C14orf180: variants seen among roughly 807,000 people sequenced by gnomAD.
The protein encoded by C14orf180 is nutritionally-regulated adipose and cardiac enriched protein homolog.
Under a neutral mutation model 13.9 loss-of-function variants are expected in C14orf180, and 13 were observed. That is an observed-to-expected ratio of 0.94 (90% confidence interval 0.61 to 1.49). C14orf180 has a LOEUF of 1.49. Among genes scored for constraint, C14orf180 ranks in the 40% most tolerant of loss-of-function variants. The probability of loss-of-function intolerance (pLI) is 0.00; values close to 1 mark genes in which losing one functional copy is unlikely to be tolerated. For synonymous variants in C14orf180, 113 were observed against 106.3 expected (o/e 1.06, Z -0.39); for missense variants, 238 against 232.0 (o/e 1.03, Z -0.17).
In C14orf180 at chr14:104,587,739, C is replaced by T. The variant is rs780407065; in HGVS notation, c.112-10C>T. 1.2e-6 allele frequency: 2 copies of T among 1,611,678 alleles called. No homozygotes were observed. The highest frequency in any genetic ancestry group is 1.7e-5 in the Admixed American group (1 of 59,658). The stretch of plus-strand genomic sequence containing the variant: ...GGGACTCACCAGTCTGCTTCCCGCC[C>T]CCACACCAGGAGGACAACAGGAAGT... On this transcript the variant is annotated splice_polypyrimidine_tract_variant and intron_variant, in intron 2 of 4. Coordinates refer to ENST00000557649, the MANE Select transcript of C14orf180 (RefSeq NM_001008404.3).
intron 1 of C14orf180, 97 bp from the exon 2 acceptor site, chr14:104,586,318 C>T: frequency 2.4e-6 from 2 of 837,690 alleles, no homozygotes; most frequent in Non-Finnish European, 3.5e-6. Context: ...GGGAAGCCAG[C>T]CTGGCTTCCA....
chr14:104,586,865 C>T (rs1886646753), intron 2 of C14orf180, among the ~76,000 whole-genome samples: 1 of 152,112 alleles, frequency 6.6e-6, no homozygotes, highest in Non-Finnish European at 1.5e-5. Flanking sequence ...GAGGACAGGT[C>T]AAGACTGTCA....
At position 104,588,810 on chromosome 14, in the gene C14orf180, G is replaced by A. The variant is rs1238553949; in HGVS notation, c.*27G>A. ...GGGCAGGACGGGCAGGACGGGCAGG[G>A]CTTCCAGGAGAGCTCAAGCACTCCG... On this transcript the variant is annotated 3_prime_UTR_variant, in exon 5 of 5. Coordinates refer to ENST00000557649, the MANE Select transcript of C14orf180 (RefSeq NM_001008404.3). 4 of 1,526,684 alleles carry A rather than the reference G, an allele frequency of 2.6e-6. No homozygotes were observed. The highest frequency in any genetic ancestry group is 2.6e-6 in the Non-Finnish European group (3 of 1,142,628). 94.6% of individuals were successfully genotyped at this position (1,526,684 alleles called of 1,614,324 possible). A position where few individuals can be genotyped will look rare whatever the true frequency, so the allele number is the denominator to read the frequency against.
In C14orf180 at chr14:104,586,452, G is replaced by A. The variant is rs188342833; in HGVS notation, c.22G>A (p.Val8Met). Residue 8 changes from valine to methionine, a missense_variant, in exon 2 of 5, where the codon GTG becomes ATG. By Grantham distance (21) the Val-to-Met change is conservative. Coordinates refer to ENST00000557649, the MANE Select transcript of C14orf180 (RefSeq NM_001008404.3). ...GTAAATGAGGACTGCAGCAGGAGCCGTGAGCCCTGACTCCCGGCCAGAGAC... is the reference window on the plus strand; with the variant it reads ...GTAAATGAGGACTGCAGCAGGAGCCATGAGCCCTGACTCCCGGCCAGAGAC... The part of the protein sequence containing the change: MRTAAGA[V>M]SPDSRPETRR... The A allele has an allele frequency of 5.8e-5, 89 of 1,542,710 alleles. No homozygotes were observed. The highest frequency in any genetic ancestry group is 5.0e-5 in the Non-Finnish European group (57 of 1,143,076).
rs3840008 is a variant in C14orf180 at position 104,588,954 on chromosome 14, TG to T, written c.*177del. ...GGACCCCGTGGCGTGAGATCGGACA[TG>T]GGGGGCACAGCAGGCGGCCCCGCCA... On this transcript the variant is annotated 3_prime_UTR_variant, in exon 5 of 5. Coordinates refer to ENST00000557649, the MANE Select transcript of C14orf180 (RefSeq NM_001008404.3). 0.45 allele frequency: 613,386 copies of T among 1,362,186 alleles called. 148,321 individuals carry two copies. The highest frequency in any genetic ancestry group is 0.95 in the East Asian group (36,811 of 38,566). The allele number at this position is 1,362,186 out of a possible 1,614,324, so 84.4% of individuals were successfully genotyped here. A position where few individuals can be genotyped will look rare whatever the true frequency, so the allele number is the denominator to read the frequency against.
Position 104,587,792 on chromosome 14 carries a change from G to C in C14orf180, c.155G>C (p.Arg52Pro). The C allele has an allele frequency of 1.2e-6, 2 of 1,612,626 alleles. No individual in the cohort carries two copies. The highest frequency in any genetic ancestry group is 1.7e-6 in the Non-Finnish European group (2 of 1,179,634). ...KCPPSILKRS[R>P]PEHHRPEAKP... ...CCCCCCTCCATCCTGAAACGGAGCC[G>C]GCCGGAGCACCACCGCCCAGAGGCC... The change falls in exon 3 of 5, where the codon CGG becomes CCG. Residue 52 changes from arginine to proline, a missense_variant. By Grantham distance (103) the Arg-to-Pro change is moderately radical. Coordinates refer to ENST00000557649, the MANE Select transcript of C14orf180 (RefSeq NM_001008404.3).
At chr14:104,583,462 C>A (rs1422780420) in intron 1 of C14orf180, among the ~76,000 whole-genome samples, 2 of 152,206 alleles carry the variant, frequency 1.3e-5, no homozygotes, top group East Asian at 3.9e-4. Flanking sequence ...TGACTCCCAC[C>A]CTCACGCGAG....
intron 1 of C14orf180, among the ~76,000 whole-genome samples, chr14:104,583,845 GAC>G (rs147184764): frequency 7.3e-5 from 11 of 151,622 alleles, no homozygotes; most frequent in African/African-American, 2.2e-4. Flanking sequence ...CACATGCATG[GAC>G]ACACACACAC....
intron 3 of C14orf180, 122 bp from the exon 4 acceptor site, chr14:104,588,152 C>A: frequency 8.0e-7 from 1 of 1,253,072 alleles, no homozygotes. Context: ...CCGGCTGGGC[C>A]TGGGTCTCTC....
At chr14:104,580,887 A>G (rs1355595502) in intron 1 of C14orf180, among the ~76,000 whole-genome samples, 1 of 152,224 alleles carries the variant, frequency 6.6e-6, no homozygotes, top group African/African-American at 2.4e-5. Context: ...CCCTGCACCC[A>G]GCAGATGAGC....
At position 104,588,828 on chromosome 14, in the gene C14orf180, G is replaced by C. The variant is rs1053102782; in HGVS notation, c.*45G>C. On this transcript the variant is annotated 3_prime_UTR_variant, in exon 5 of 5. Coordinates refer to ENST00000557649, the MANE Select transcript of C14orf180 (RefSeq NM_001008404.3). ...GGGCAGGGCTTCCAGGAGAGCTCAA[G>C]CACTCCGGGGGCTCCGAGACAGCCT... is the stretch of plus-strand genomic sequence containing the variant. 5.8e-5 allele frequency: 88 copies of C among 1,528,162 alleles called. No homozygotes were observed. The highest frequency in any genetic ancestry group is 1.7e-4 in the Middle Eastern group (1 of 5,882). 94.7% of individuals were successfully genotyped at this position (1,528,162 alleles called of 1,614,324 possible). A position where few individuals can be genotyped will look rare whatever the true frequency, so the allele number is the denominator to read the frequency against.
In C14orf180 at chr14:104,588,255, T is replaced by C. The variant is rs1424816338; in HGVS notation, c.242-19T>C. On this transcript the variant is annotated intron_variant, in intron 3 of 4. Coordinates refer to ENST00000557649, the MANE Select transcript of C14orf180 (RefSeq NM_001008404.3). ...ACTGAGGCAGGTGCCCCCAGCTGAC[T>C]CTCCATTCTCTTTCGCAGACATTGC... is the stretch of plus-strand genomic sequence containing the variant. 2 of 1,613,826 alleles carry C rather than the reference T, an allele frequency of 1.2e-6. No homozygotes were observed. The highest frequency in any genetic ancestry group is 2.2e-5 in the East Asian group (1 of 44,878).
Position 104,587,886 on chromosome 14 carries a change from G to C in C14orf180, c.241+8G>C. On this transcript the variant is annotated splice_region_variant and intron_variant, in intron 3 of 4. Transcript: ENST00000557649. ...CAGCGGTGACCGTCCACTGTAAGAG[G>C]GCACCCGCAGCAAGCAGCTGGGAGA... 1.9e-6 allele frequency: 3 copies of C among 1,598,438 alleles called. No homozygotes were observed. Among genetic ancestry groups the C allele is most frequent in the Non-Finnish European group, 2.6e-6 (3 of 1,171,202 alleles).
chr14:104,583,701 G>A (rs1448363062), intron 1 of C14orf180, among the ~76,000 whole-genome samples: 1 of 152,118 alleles, frequency 6.6e-6, no homozygotes, highest in African/African-American at 2.4e-5. Context: ...ATGCTGCTCA[G>A]CAACAGATGG....
chr14:104,589,290 G>GA lies in C14orf180; in HGVS notation c.*507_*508insA. 5.7e-6 allele frequency: 1 copy of GA among 176,050 alleles called. No homozygotes were observed. Among genetic ancestry groups the GA allele is most frequent in the African/African-American group, 2.4e-5 (1 of 42,450 alleles). The allele number at this position is 176,050 out of a possible 1,614,324, so 10.9% of individuals were successfully genotyped here. On this transcript the variant is annotated 3_prime_UTR_variant, in exon 5 of 5. Transcript: ENST00000557649. This position sits in a 1 kb window ranked among gnomAD's most constrained non-coding sequence, Gnocchi z 4.9. ...GGGAGGGAAGGGTCTGGTTGTCAAG[G>GA]TGGGTCCCTTTGATGTGAGGTGCCA...
Position 104,588,974 on chromosome 14 carries a change from C to A in C14orf180, c.*191C>A. The A allele has an allele frequency of 8.1e-7, 1 of 1,227,378 alleles. No individual in the cohort carries two copies. The highest frequency in any genetic ancestry group is 1.1e-6 in the Non-Finnish European group (1 of 912,416). The allele number at this position is 1,227,378 out of a possible 1,614,324, so 76.0% of individuals were successfully genotyped here. Reference sequence around the variant, plus strand: ...GGACATGGGGGGCACAGCAGGCGGCCCCGCCACACTAGTCAGCACAGCCCT... The same window carrying A: ...GGACATGGGGGGCACAGCAGGCGGCACCGCCACACTAGTCAGCACAGCCCT... On this transcript the variant is annotated 3_prime_UTR_variant, in exon 5 of 5. Transcript: ENST00000557649.
At chr14:104,588,180 G>A in intron 3 of C14orf180, 94 bp from the exon 4 acceptor site, 1 of 1,472,622 alleles carries the variant, frequency 6.8e-7, no homozygotes, top group Non-Finnish European at 9.5e-7. Flanking sequence ...AATAGTCTCA[G>A]GGTCCTTCGG....
intron 1 of C14orf180, among the ~76,000 whole-genome samples, chr14:104,583,442 G>C (rs1886506464): frequency 6.6e-6 from 1 of 152,198 alleles, no homozygotes; most frequent in Non-Finnish European, 1.5e-5. Context: ...GCGGACTCGG[G>C]TCTGTGCACT....
At position 104,587,872 on chromosome 14, in the gene C14orf180, G is replaced by A. The variant is rs770313320; in HGVS notation, c.235G>A (p.Val79Ile). Residue 79 changes from valine (V) to isoleucine (I), a missense_variant, in exon 3 of 5, where the codon GTC (valine) becomes ATC (isoleucine). Physicochemically the swap from Val to Ile is conservative, Grantham distance 29. Coordinates refer to ENST00000557649, the MANE Select transcript of C14orf180 (RefSeq NM_001008404.3). The stretch of plus-strand genomic sequence containing the variant: ...GTTCCGAGAACCCCCAGCGGTGACC[G>A]TCCACTGTAAGAGGGCACCCGCAGC... Reference protein sequence around the residue: ...VWFREPPAVTVHYIADKNATA... With the variant: ...VWFREPPAVTIHYIADKNATA... 41 of 1,606,308 alleles carry A rather than the reference G, an allele frequency of 2.6e-5. No individual in the cohort carries two copies. In the South Asian group the frequency reaches 3.2e-4, roughly 13 times the overall value.
Sources: gnomAD v4.1 joint callset for allele counts (sites outside exome capture counted in the v4.1 genomes callset) on GRCh38, gnomAD v4.1.1 for gene constraint, Gnocchi (gnomAD v3.1) non-coding constraint, MANE v1.5 for transcripts, NCBI Gene and HGNC (gene_info 2026-07-23, HGNC 2026-07-21) for gene names.